Variants in KCNH4 observed in about 807,000 individuals in gnomAD.
KCNH4 encodes the protein potassium voltage-gated channel subfamily H member 4, also known as voltage-gated delayed rectifier potassium channel KCNH4.
Under a neutral mutation model 90.7 loss-of-function variants are expected in KCNH4, and 33 were observed. That is an observed-to-expected ratio of 0.36 (90% CI 0.28 to 0.49). The LOEUF (loss-of-function observed/expected upper bound fraction) is 0.49. Among genes scored for constraint, KCNH4 ranks in the 20% least tolerant of loss-of-function variants. The pLI is 0.98. For synonymous variants in KCNH4, 551 were observed against 581.7 expected (o/e 0.95, Z 0.76); for missense variants, 1,044 against 1,387.1 (o/e 0.75, Z 3.93).
chr17:42,168,473 G>A (rs981862408), intron 9 of KCNH4, among the ~76,000 whole-genome samples: 6 of 152,038 alleles, frequency 3.9e-5, no homozygotes, highest in South Asian at 2.1e-4. Flanking sequence ...GTGAAACCCC[G>A]TCTCTACTAA....
At chr17:42,159,091 G>A (rs191245940) in intron 16 of KCNH4, among the ~76,000 whole-genome samples, 213 of 151,930 alleles carry the variant, frequency 1.4e-3, no homozygotes, top group Middle Eastern at 3.4e-3. Context: ...GCAGTGGTGC[G>A]ATCTTGGCTC....
Position 42,163,197 on chromosome 17 carries a change from G to GAAGTCC in KCNH4, c.2584+30_2584+31insGGACTT, listed in dbSNP as rs767754924. The stretch of plus-strand genomic sequence containing the variant: ...TGGACAGGTGGATGGGCAGATGGAT[G>GAAGTCC]ACGGGGTTGAAGTCCACTGTTGGCC... On this transcript the variant is annotated intron_variant, in intron 14 of 16. Coordinates refer to ENST00000264661, the MANE Select transcript of KCNH4 (RefSeq NM_012285.3). This position sits in a 1 kb window ranked among gnomAD's most constrained non-coding sequence, Gnocchi z 5.4. 1 of 1,423,842 alleles carries GAAGTCC rather than the reference G, an allele frequency of 7.0e-7. No individual in the cohort carries two copies. The highest frequency in any genetic ancestry group is 2.3e-5 in the East Asian group (1 of 43,980). The allele number at this position is 1,423,842 out of a possible 1,614,324, so 88.2% of individuals were successfully genotyped here. A position where few individuals can be genotyped will look rare whatever the true frequency, so the allele number is the denominator to read the frequency against.
chr17:42,159,427 G>A (rs1315275361), intron 16 of KCNH4, among the ~76,000 whole-genome samples: 2 of 152,058 alleles, frequency 1.3e-5, no homozygotes, highest in South Asian at 2.1e-4. Context: ...TCCTGTGTGG[G>A]CTGTGGGATG....
chr17:42,162,662 A>G (rs893140456), intron 14 of KCNH4, among the ~76,000 whole-genome samples: 6 of 151,250 alleles, frequency 4.0e-5, no homozygotes, highest in African/African-American at 1.5e-4. Flanking sequence ...GTGTGCTCTC[A>G]GCTCACTGCA....
chr17:42,169,910 C>G (rs2079815105), intron 8 of KCNH4, among the ~76,000 whole-genome samples, 197 bp downstream of exon 8: 2 of 152,210 alleles, frequency 1.3e-5, no homozygotes, highest in South Asian at 4.1e-4. Context: ...ATCCCCTTTG[C>G]AAAAGTCCAC....
intron 9 of KCNH4, among the ~76,000 whole-genome samples, chr17:42,167,352 C>T (rs112529889): frequency 0.052 from 7,874 of 152,176 alleles, 486 homozygotes; most frequent in African/African-American, 0.15. Flanking sequence ...CTGCAACCTC[C>T]GCCTCCCAGG....
chr17:42,170,374 C>G (rs918904571), intron 7 of KCNH4, 73 bp from the exon 8 acceptor site: 1 of 1,327,886 alleles, frequency 7.5e-7, no homozygotes, highest in Non-Finnish European at 1.0e-6. Context: ...GAGCCACCTA[C>G]GCTTGACCTT....
At chr17:42,176,357 GT>G in intron 4 of KCNH4, 60 bp from the exon 5 acceptor site, 1 of 1,497,850 alleles carries the variant, frequency 6.7e-7, no homozygotes, top group Non-Finnish European at 9.1e-7. Context: ...AAGATGGGGG[GT>G]GGGAAAGGCA....
Position 42,163,432 on chromosome 17 carries a change from G to A in KCNH4, c.2478-98C>T. Reference sequence around the variant, plus strand: ...CTGGGGGCAGCAGTGCCAGGGGGCGGAGCAAGAGCAGCAGTCAAAGTGGGT... The same window carrying A: ...CTGGGGGCAGCAGTGCCAGGGGGCGAAGCAAGAGCAGCAGTCAAAGTGGGT... On this transcript the variant is annotated intron_variant, in intron 13 of 16. Transcript: ENST00000264661. The surrounding 1 kb of genome is among the most constrained non-coding windows in gnomAD (Gnocchi z 5.4). 1 of 911,676 alleles carries A rather than the reference G, an allele frequency of 1.1e-6. No individual in the cohort carries two copies. The highest frequency in any genetic ancestry group is 1.5e-5 in the South Asian group (1 of 67,614). 56.5% of individuals were successfully genotyped at this position (911,676 alleles called of 1,614,324 possible).
chr17:42,161,380 C>G (rs578055884), intron 15 of KCNH4, among the ~76,000 whole-genome samples: 129 of 152,346 alleles, frequency 8.5e-4, no homozygotes, highest in African/African-American at 3.0e-3. Context: ...CACCGCCCCT[C>G]TGGGATGCCC....
intron 11 of KCNH4, 83 bp downstream of exon 11, chr17:42,165,366 G>A: frequency 6.5e-7 from 1 of 1,540,806 alleles, no homozygotes; most frequent in Non-Finnish European, 8.9e-7. Context: ...GGTGGAGGGA[G>A]GTTCATGGGA....
chr17:42,175,222 G>A (rs894886829), intron 6 of KCNH4, among the ~76,000 whole-genome samples: 1 of 152,182 alleles, frequency 6.6e-6, no homozygotes, highest in Non-Finnish European at 1.5e-5. Flanking sequence ...TCCCCACAGT[G>A]GCCATGCCCC....
chr17:42,179,255 G>C (rs945958219), intron 1 of KCNH4, among the ~76,000 whole-genome samples: 2 of 152,230 alleles, frequency 1.3e-5, no homozygotes, highest in African/African-American at 2.4e-5. Flanking sequence ...CGGGGAGTTG[G>C]AGAAGGACCC....
intron 6 of KCNH4, 63 bp from the exon 7 acceptor site, chr17:42,172,058 C>T (rs1203198175): frequency 1.5e-6 from 2 of 1,375,628 alleles, no homozygotes; most frequent in African/African-American, 2.9e-5. Flanking sequence ...TCAGAGTCCC[C>T]TCCCAGGGCC....
intron 6 of KCNH4, among the ~76,000 whole-genome samples, chr17:42,172,233 T>C (rs943526537): frequency 9.9e-5 from 15 of 150,766 alleles, no homozygotes; most frequent in African/African-American, 3.7e-4. Flanking sequence ...AGGTAGAGTC[T>C]CGCTCTGTAG....
Position 42,160,098 on chromosome 17 carries a change from G to C in KCNH4, c.2996C>G (p.Pro999Arg). The C allele has an allele frequency of 6.3e-7, 1 of 1,577,814 alleles. No individual in the cohort carries two copies. The highest frequency in any genetic ancestry group is 8.6e-7 in the Non-Finnish European group (1 of 1,160,000). ...LGPSPVPEAS[P>R]PTPSLLRHSF... ...GTGCCTCAAGAGGCTTGGGGTTGGG[G>C]GTGAGGCCTCTGGCACTGGAGAGGG... The change falls in exon 16 of 17, where the codon CCC becomes CGC. Residue 999 changes from proline (P) to arginine (R), a missense_variant. Coordinates refer to ENST00000264661, the MANE Select transcript of KCNH4 (RefSeq NM_012285.3).
At position 42,159,791 on chromosome 17, in the gene KCNH4, G is replaced by T; in HGVS notation, c.*249C>A. On this transcript the variant is annotated 3_prime_UTR_variant, in exon 16 of 17. Coordinates refer to ENST00000264661, the MANE Select transcript of KCNH4 (RefSeq NM_012285.3). Reference sequence around the variant, plus strand: ...TCTGCCCAGCCCAATGGGCACTGCGGTTCATCTCATGCCTGCTGGGTTCCA... The same window carrying T: ...TCTGCCCAGCCCAATGGGCACTGCGTTTCATCTCATGCCTGCTGGGTTCCA... 1 of 378,022 alleles carries T rather than the reference G, an allele frequency of 2.6e-6. No individual in the cohort carries two copies. 23.4% of individuals were successfully genotyped at this position (378,022 alleles called of 1,614,324 possible). A position where few individuals can be genotyped will look rare whatever the true frequency, so the allele number is the denominator to read the frequency against.
chr17:42,176,509 C>CTTTTTTTTTTTTT (rs869250233), intron 4 of KCNH4, among the ~76,000 whole-genome samples: 2 of 68,458 alleles, frequency 2.9e-5, no homozygotes, highest in African/African-American at 1.3e-4. Context: ...GGCCCTCCTC[C>CTTTTTTTTTTTTT]TTTTTTTTTT....
At chr17:42,164,218 T>G in intron 11 of KCNH4, 50 bp from the exon 12 acceptor site, 1 of 1,491,112 alleles carries the variant, frequency 6.7e-7, no homozygotes, top group Non-Finnish European at 9.0e-7. Context: ...CCCGCGGCCA[T>G]AGCGCAGACC....
Sources: allele counts gnomAD v4.1 joint callset (sites outside exome capture counted in the v4.1 genomes callset), GRCh38; gene constraint gnomAD v4.1.1; non-coding constraint Gnocchi (gnomAD v3.1); transcripts MANE v1.5; gene names NCBI Gene and HGNC (gene_info 2026-07-23, HGNC 2026-07-21).